The following TENM2 variants were observed in gnomAD, a reference collection of about 807,000 sequenced individuals.
The protein encoded by TENM2 is teneurin transmembrane protein 2.
TENM2 carries 52 observed loss-of-function variants against 245.2 expected under a neutral mutation model. The ratio of observed to expected loss-of-function variants is 0.21; its 90% CI spans 0.17 to 0.27. The LOEUF (loss-of-function observed/expected upper bound fraction) is 0.27, where lower values mean the gene tolerates loss of function less well. Ranked by LOEUF, TENM2 falls within the 10% of genes least tolerant of loss-of-function variation. TENM2 has a pLI of 1.00. For synonymous variants in TENM2, 1,363 were observed against 1,438.9 expected (o/e 0.95, Z 1.19); for missense variants, 3,046 against 3,666.8 (o/e 0.83, Z 4.37).
intron 2 of TENM2, among the ~76,000 whole-genome samples, chr5:167,500,444 G>T (rs1358784287): frequency 6.6e-6 from 1 of 151,956 alleles, no homozygotes; most frequent in Non-Finnish European, 1.5e-5. Flanking sequence ...CTGCAGTGTA[G>T]CTAATTGTCA....
At chr5:167,159,691 G>A in the TENM2 span, among the ~76,000 whole-genome samples, 1 of 152,040 alleles carries the variant, frequency 6.6e-6, no homozygotes, top group Admixed American at 6.6e-5. Context: ...TTCTTTTTAG[G>A]AGGTGCTTTG....
At chr5:167,552,587 T>A (rs1773022565) in intron 2 of TENM2, among the ~76,000 whole-genome samples, 1 of 152,186 alleles carries the variant, frequency 6.6e-6, no homozygotes, top group South Asian at 2.1e-4. Context: ...ATTGACATTG[T>A]AGCCTGGTAA....
chr5:167,285,231 C>T (rs560788354), intron 1 of TENM2, among the ~76,000 whole-genome samples, 168 bp downstream of exon 3: 2 of 152,260 alleles, frequency 1.3e-5, no homozygotes, highest in African/African-American at 4.8e-5. Context: ...GAATCTCTAT[C>T]CTGAGAAACC....
At chr5:167,401,325 G>A (rs559005304) in intron 2 of TENM2, among the ~76,000 whole-genome samples, 1 of 152,180 alleles carries the variant, frequency 6.6e-6, no homozygotes, top group East Asian at 1.9e-4. Flanking sequence ...ATCATATTCT[G>A]TCCAGGAGGA....
Position 167,344,313 on chromosome 5 carries a change from T to C in TENM2, c.227-30885T>C, listed in dbSNP as rs1338957841. Among the ~76,000 whole-genome samples the C allele has an allele frequency of 1.2e-4, 16 of 137,964 alleles. No homozygotes were observed. In the South Asian group the frequency reaches 1.6e-3, roughly 14 times the overall value. 90.5% of individuals were successfully genotyped at this position (137,964 alleles called of 152,430 possible). On this transcript the variant is annotated intron_variant, in intron 1 of 28. Transcript: ENST00000518659. ...ACACACACACACACACACACACATA[T>C]ATATATATATATATATAGATATATT...
chr5:167,308,397 C>T (rs1318469919), intron 1 of TENM2, among the ~76,000 whole-genome samples: 2 of 152,130 alleles, frequency 1.3e-5, no homozygotes, highest in Non-Finnish European at 1.5e-5. Flanking sequence ...TGACAAAATA[C>T]GTTGTAAAGA....
At chr5:168,095,036 G>A (rs141792953) in intron 8 of TENM2, among the ~76,000 whole-genome samples, 232 of 151,910 alleles carry the variant, frequency 1.5e-3, no homozygotes, top group African/African-American at 5.4e-3. Flanking sequence ...CCATCTAGTT[G>A]CAGAAAAACA....
chr5:167,446,862 T>C (rs919576766), intron 2 of TENM2, among the ~76,000 whole-genome samples: 2 of 152,100 alleles, frequency 1.3e-5, no homozygotes, highest in Non-Finnish European at 2.9e-5. Context: ...GTATTAGTTA[T>C]GGGTTGAGTA....
chr5:167,469,582 A>C (rs10866611), intron 2 of TENM2, among the ~76,000 whole-genome samples: 81,262 of 151,972 alleles, frequency 0.53, 21,883 homozygotes, highest in East Asian at 0.67. Context: ...TATGAAGTTT[A>C]TAATGCAAGT....
intron 8 of TENM2, among the ~76,000 whole-genome samples, chr5:168,095,264 G>T (rs1221222528): frequency 6.6e-6 from 1 of 152,126 alleles, no homozygotes; most frequent in East Asian, 1.9e-4. Context: ...CATGTCCCTG[G>T]ATGATCCATC....
Position 168,242,380 on chromosome 5 carries a change from A to G in TENM2, c.5521-2040A>G, listed in dbSNP as rs547013881. 2.1e-4 allele frequency among the ~76,000 whole-genome samples: 32 copies of G among 152,258 alleles called. No homozygotes were observed. In the East Asian group the frequency reaches 6.0e-3, roughly 28 times the overall value. ...GAAAATGCTTCACAGTCTGTTCATCATTTGACACATTTCAGGGCACTCAAT... is the reference window on the plus strand; with the variant it reads ...GAAAATGCTTCACAGTCTGTTCATCGTTTGACACATTTCAGGGCACTCAAT... On this transcript the variant is annotated intron_variant, in intron 25 of 28. Coordinates refer to ENST00000518659, the Ensembl canonical transcript of TENM2.
intron 2 of TENM2, among the ~76,000 whole-genome samples, chr5:167,441,472 T>C (rs1245252751): frequency 6.6e-6 from 1 of 152,222 alleles, no homozygotes; most frequent in East Asian, 1.9e-4. Flanking sequence ...TCTTGCATAC[T>C]TTATCAGCGT....
the TENM2 span, among the ~76,000 whole-genome samples, chr5:167,120,201 G>A: frequency 6.6e-6 from 1 of 152,118 alleles, no homozygotes; most frequent in Admixed American, 6.6e-5. Flanking sequence ...GGGAAAGAAA[G>A]CCATTGAAAG....
intron 2 of TENM2, among the ~76,000 whole-genome samples, chr5:167,868,204 C>T (rs1772495078): frequency 6.6e-6 from 1 of 152,106 alleles, no homozygotes; most frequent in Admixed American, 6.5e-5. Flanking sequence ...TGTCCCTACC[C>T]ACCAGAAGCC....
intron 2 of TENM2, among the ~76,000 whole-genome samples, chr5:167,517,537 A>G (rs564375905): frequency 1.3e-5 from 2 of 152,274 alleles, no homozygotes; most frequent in African/African-American, 4.8e-5. Flanking sequence ...GCGCTAATAG[A>G]GGACATACTG....
chr5:167,796,613 CGTGTGTGTGT>C (rs111717417), intron 2 of TENM2, among the ~76,000 whole-genome samples: 1 of 148,326 alleles, frequency 6.7e-6, no homozygotes, highest in African/African-American at 2.5e-5. Flanking sequence ...ATTTGGGGTG[CGTGTGTGTGT>C]GTGTGTGTGT....
intron 1 of TENM2, among the ~76,000 whole-genome samples, chr5:167,363,652 A>G (rs2127273987): frequency 6.8e-6 from 1 of 147,696 alleles, no homozygotes; most frequent in South Asian, 2.2e-4. Context: ...AATGGTGTGA[A>G]CCCAGGAGGT....
At chr5:167,987,235 T>A (rs1304077909) in intron 4 of TENM2, among the ~76,000 whole-genome samples, 1 of 152,122 alleles carries the variant, frequency 6.6e-6, no homozygotes, top group Admixed American at 6.5e-5. Flanking sequence ...TATGTCCTCT[T>A]CAAGTAAGAT....
At chr5:167,607,363 C>T (rs1033978981) in intron 2 of TENM2, among the ~76,000 whole-genome samples, 2 of 152,142 alleles carry the variant, frequency 1.3e-5, no homozygotes, top group South Asian at 4.1e-4. Context: ...AAAATCCAGG[C>T]TTTTATGTAA....
Sources: gnomAD v4.1 joint callset for allele counts (sites outside exome capture counted in the v4.1 genomes callset) on GRCh38, gnomAD v4.1.1 for gene constraint, MANE v1.5 for transcripts, NCBI Gene and HGNC (gene_info 2026-07-23, HGNC 2026-07-21) for gene names.